SEPTIN14: variants seen among roughly 807,000 people sequenced by gnomAD.
SEPTIN14 encodes the protein septin 14.
In SEPTIN14, 40 loss-of-function variants were observed where a neutral mutation model predicts 53.6. The observed-to-expected ratio is 0.75, with a 90% CI of 0.58 to 0.97. The LOEUF is 0.97. Among genes scored for constraint, SEPTIN14 ranks in the 50% least tolerant of loss-of-function variants. The pLI is 0.00. For synonymous variants in SEPTIN14, 138 were observed against 166.8 expected (o/e 0.83, Z 1.33); for missense variants, 471 against 508.2 (o/e 0.93, Z 0.70).
chr7:55,861,510 A>AT (rs923164766), intron 2 of SEPTIN14, among the ~76,000 whole-genome samples: 3 of 152,048 alleles, frequency 2.0e-5, no homozygotes, highest in East Asian at 1.9e-4. Context: ...TCAAAAAAAA[A>AT]AAAAAAACTT....
Position 55,834,397 on chromosome 7 carries a change from CTT to C in SEPTIN14, c.720+26_720+27del, listed in dbSNP as rs542461913. ...CTGGATAAACACTCATTTCTAGCCT[CTT>C]TGTCAGATATGTTACTGAAACTTAC... On this transcript the variant is annotated intron_variant, in intron 6 of 9. Transcript: ENST00000388975. 2.8e-4 allele frequency: 435 copies of C among 1,569,462 alleles called. 3 individuals carry two copies. In the African/African-American group the frequency reaches 4.8e-3, roughly 17 times the overall value.
intron 2 of SEPTIN14, among the ~76,000 whole-genome samples, chr7:55,856,783 C>T (rs1431034144): frequency 6.6e-6 from 1 of 152,110 alleles, no homozygotes; most frequent in African/African-American, 2.4e-5. Flanking sequence ...GAGATGAAAA[C>T]AAGTGCAGGC....
At chr7:55,847,387 G>T (rs1789433156) in intron 2 of SEPTIN14, among the ~76,000 whole-genome samples, 1 of 152,036 alleles carries the variant, frequency 6.6e-6, no homozygotes, top group African/African-American at 2.4e-5. Flanking sequence ...TAATCCAGAT[G>T]CTTCTCAACT....
intron 6 of SEPTIN14, among the ~76,000 whole-genome samples, chr7:55,830,342 TA>T (rs1298801176): frequency 0.064 from 2,786 of 43,784 alleles, 95 homozygotes; most frequent in Non-Finnish European, 0.073. Flanking sequence ...TATATATATA[TA>T]TATATATTTT....
chr7:55,818,472 CAAAAAA>C (rs61089405), intron 7 of SEPTIN14, among the ~76,000 whole-genome samples: 7 of 86,302 alleles, frequency 8.1e-5, no homozygotes, highest in African/African-American at 1.8e-4. Context: ...AACTCTGTCT[CAAAAAA>C]AAAAAAAAAA....
chr7:55,802,068 G>A lies in SEPTIN14; in HGVS notation c.1119+3190C>T, dbSNP rs545456070. Among the ~76,000 whole-genome samples the A allele has an allele frequency of 1.4e-4, 21 of 149,850 alleles. No homozygotes were observed. In the East Asian group the frequency reaches 3.6e-3, roughly 26 times the overall value. On this transcript the variant is annotated intron_variant, in intron 9 of 9. Transcript: ENST00000388975. The stretch of plus-strand genomic sequence containing the variant: ...AGGCTGGAGTGCAGTGCAGTGGTGC[G>A]ATCTCAGCTCACTGCAACCTTCACC...
At chr7:55,861,648 GTTC>G (rs1419685627) in intron 2 of SEPTIN14, among the ~76,000 whole-genome samples, 5 of 152,096 alleles carry the variant, frequency 3.3e-5, no homozygotes, top group African/African-American at 1.2e-4. Flanking sequence ...AAACAGCACT[GTTC>G]TTCTCATTTA....
chr7:55,799,816 G>C (rs1012651732), intron 9 of SEPTIN14, among the ~76,000 whole-genome samples: 11 of 152,146 alleles, frequency 7.2e-5, no homozygotes, highest in Admixed American at 1.3e-4. Context: ...CCCACTTTCA[G>C]CACCAGATAG....
chr7:55,807,018 A>C (rs1475584559), intron 8 of SEPTIN14, 72 bp downstream of exon 8: 9 of 1,103,594 alleles, frequency 8.2e-6, no homozygotes, highest in Admixed American at 5.6e-5. Context: ...CTCATATCCA[A>C]ATTATCATAC....
intron 7 of SEPTIN14, chr7:55,811,053 A>T (rs796879676): frequency 4.3e-6 from 2 of 460,218 alleles, no homozygotes; most frequent in South Asian, 3.6e-5. Flanking sequence ...CTCTTCCACT[A>T]TCATTTCATC....
rs1326672287 is a variant in SEPTIN14, at chr7:55,825,714, C to T, written c.721-6491G>A. Among the ~76,000 whole-genome samples, 4 of 152,062 alleles carry T rather than the reference C, an allele frequency of 2.6e-5. No homozygotes were observed. In the East Asian group the frequency reaches 5.8e-4, roughly 22 times the overall value. ...GGGCGTGGTGACTCACACCTGTAAT[C>T]CCAGCACTTTGGGAGGCCGAGGCGG... On this transcript the variant is annotated intron_variant, in intron 6 of 9. Coordinates refer to ENST00000388975, the MANE Select transcript of SEPTIN14 (RefSeq NM_207366.3).
At chr7:55,829,022 C>CT (rs373075843) in intron 6 of SEPTIN14, among the ~76,000 whole-genome samples, 42 of 147,730 alleles carry the variant, frequency 2.8e-4, no homozygotes, top group Non-Finnish European at 4.1e-4. Flanking sequence ...TTTAAATTTA[C>CT]TTTTTTTTTT....
chr7:55,819,092 T>C (rs1380115416), intron 7 of SEPTIN14, 35 bp downstream of exon 7: 1 of 1,181,100 alleles, frequency 8.5e-7, no homozygotes, highest in Admixed American at 2.0e-5. Flanking sequence ...ATATTTAACT[T>C]AATCATTCCA....
chr7:55,829,832 A>AAAAC (rs1789064128), intron 6 of SEPTIN14, among the ~76,000 whole-genome samples: 1 of 150,002 alleles, frequency 6.7e-6, no homozygotes, highest in South Asian at 2.1e-4. Flanking sequence ...AAAAAAAAAA[A>AAAAC]AAAAAAAAAA....
intron 5 of SEPTIN14, among the ~76,000 whole-genome samples, chr7:55,839,293 G>A (rs1789265402): frequency 6.6e-6 from 1 of 151,662 alleles, no homozygotes; most frequent in Non-Finnish European, 1.5e-5. Context: ...GGAGGCTGAG[G>A]CAGGAGAATC....
chr7:55,862,471 A>C (rs1789766593), intron 1 of SEPTIN14, among the ~76,000 whole-genome samples: 1 of 152,238 alleles, frequency 6.6e-6, no homozygotes, highest in African/African-American at 2.4e-5. Flanking sequence ...GAATTGTGAA[A>C]GCAGACCTTA....
chr7:55,802,265 A>G (rs1230795850), intron 9 of SEPTIN14, among the ~76,000 whole-genome samples: 2 of 152,154 alleles, frequency 1.3e-5, no homozygotes, highest in South Asian at 2.1e-4. Flanking sequence ...TCGGCCTCCC[A>G]GAGTGCTGGG....
intron 2 of SEPTIN14, among the ~76,000 whole-genome samples, chr7:55,850,470 A>G (rs1474834093): frequency 6.6e-6 from 1 of 152,156 alleles, no homozygotes; most frequent in Non-Finnish European, 1.5e-5. Context: ...CTCCATCTCA[A>G]AAAAACAAAC....
At chr7:55,852,351 T>C (rs990458237) in intron 2 of SEPTIN14, among the ~76,000 whole-genome samples, 1 of 151,876 alleles carries the variant, frequency 6.6e-6, no homozygotes, top group Admixed American at 6.6e-5. Flanking sequence ...TATAGACCAA[T>C]GGAACAGAAT....
Sources: gnomAD v4.1 joint callset for allele counts (sites outside exome capture counted in the v4.1 genomes callset) on GRCh38, gnomAD v4.1.1 for gene constraint, MANE v1.5 for transcripts, NCBI Gene and HGNC (gene_info 2026-07-23, HGNC 2026-07-21) for gene names.